Variants in TMBIM1 observed in about 807,000 individuals in gnomAD.
The protein encoded by TMBIM1 is protein lifeguard 3.
A neutral mutation model predicts 45.1 loss-of-function variants in TMBIM1; 34 were observed. That is an observed-to-expected ratio of 0.75 (90% CI 0.57 to 1.00). The LOEUF (loss-of-function observed/expected upper bound fraction) is 1.00, where lower values mean the gene tolerates loss of function less well. Ranked by LOEUF, TMBIM1 falls within the 50% of genes least tolerant of loss-of-function variation. TMBIM1 has a pLI of 0.00. For synonymous variants in TMBIM1, 157 were observed against 153.5 expected (o/e 1.02, Z -0.17); for missense variants, 374 against 402.4 (o/e 0.93, Z 0.60).
chr2:218,291,853 G>A (rs1190205133), intron 1 of TMBIM1, among the ~76,000 whole-genome samples: 1 of 152,190 alleles, frequency 6.6e-6, no homozygotes, highest in Non-Finnish European at 1.5e-5. Flanking sequence ...ACTGGCAGAG[G>A]GCAAAGTCAT....
At chr2:218,291,652 G>A (rs907251099) in intron 1 of TMBIM1, among the ~76,000 whole-genome samples, 16 of 152,168 alleles carry the variant, frequency 1.1e-4, no homozygotes, top group Admixed American at 2.0e-4. Flanking sequence ...CACAAGGCCA[G>A]GGCCTGGCCT....
chr2:218,284,804 T>C (rs1295167512), intron 1 of TMBIM1, among the ~76,000 whole-genome samples: 4 of 152,186 alleles, frequency 2.6e-5, no homozygotes, highest in Non-Finnish European at 5.9e-5. Flanking sequence ...AAAATACACA[T>C]AGAAGGCTGG....
At chr2:218,292,392 T>G (rs1692993005) in intron 1 of TMBIM1, 74 bp downstream of exon 1, 1 of 152,260 alleles carries the variant, frequency 6.6e-6, no homozygotes, top group Admixed American at 6.5e-5. Flanking sequence ...CCCCGGCGCA[T>G]GGCCGCCCCA....
Position 218,276,279 on chromosome 2 carries a change from G to A in TMBIM1, c.736-200C>T, listed in dbSNP as rs140344418. ...CAGCAGAGAAAGCAGAGGCCATCCT[G>A]CAATGGCTGTATAAAACCAATCTCC... On this transcript the variant is annotated intron_variant, in intron 10 of 11. Coordinates refer to ENST00000258412, the MANE Select transcript of TMBIM1 (RefSeq NM_022152.6). 7.2e-3 allele frequency among the ~76,000 whole-genome samples: 1,099 copies of A among 152,316 alleles called. 3 individuals carry two copies. Among genetic ancestry groups the A allele is most frequent in the Middle Eastern group, 0.02 (6 of 294 alleles).
intron 6 of TMBIM1, 33 bp downstream of exon 6, chr2:218,278,482 C>A (rs1267764604): frequency 6.2e-7 from 1 of 1,608,670 alleles, no homozygotes. Context: ...ATCCCTGTCA[C>A]CCCTCTCACT....
intron 1 of TMBIM1, among the ~76,000 whole-genome samples, chr2:218,291,577 A>G (rs1190161862): frequency 1.3e-5 from 2 of 152,096 alleles, no homozygotes; most frequent in Non-Finnish European, 2.9e-5. Flanking sequence ...CCTGGGTACC[A>G]CGTAGAGGCC....
At chr2:218,280,311 G>A (rs995028391) in intron 2 of TMBIM1, 185 bp from the exon 3 acceptor site, 14 of 562,068 alleles carry the variant, frequency 2.5e-5, no homozygotes, top group African/African-American at 3.8e-5. Context: ...GGCCTGTCAC[G>A]AGGGGGCTTA....
chr2:218,288,917 T>C (rs1480394627), intron 1 of TMBIM1, among the ~76,000 whole-genome samples: 1 of 152,174 alleles, frequency 6.6e-6, no homozygotes, highest in Non-Finnish European at 1.5e-5. Context: ...TGCTGTGAGG[T>C]ATTCTTACCC....
rs1691362634 is a variant in TMBIM1, at chr2:218,277,642, G to T, written c.542C>A (p.Thr181Asn). The change falls in exon 8 of 12, where the codon ACC (threonine) becomes AAC (asparagine). Residue 181 changes from threonine (T) to asparagine (N), a missense_variant. Coordinates refer to ENST00000258412, the MANE Select transcript of TMBIM1 (RefSeq NM_022152.6). Reference sequence around the variant, plus strand: ...TTATCCCTGAATGTACCTGGAAATGGTGCCCGTCATGAAGCCCATGGCAAA... The same window carrying T: ...TTATCCCTGAATGTACCTGGAAATGTTGCCCGTCATGAAGCCCATGGCAAA... Reference protein sequence around the residue: ...FTFAMGFMTGTISSMYQTKAV... With the variant: ...FTFAMGFMTGNISSMYQTKAV... 2 of 1,614,166 alleles carry T rather than the reference G, an allele frequency of 1.2e-6. No individual in the cohort carries two copies. Among genetic ancestry groups the T allele is most frequent in the Non-Finnish European group, 1.7e-6 (2 of 1,180,034 alleles).
At chr2:218,277,184 C>T in intron 9 of TMBIM1, 85 bp from the exon 10 acceptor site, 1 of 1,276,466 alleles carries the variant, frequency 7.8e-7, no homozygotes, top group Non-Finnish European at 1.1e-6. Context: ...AGTCCCAGTG[C>T]TGCCTCCTAG....
At chr2:218,292,316 A>G (rs1407955967) in intron 1 of TMBIM1, 150 bp downstream of exon 1, 1 of 152,146 alleles carries the variant, frequency 6.6e-6, no homozygotes, top group Non-Finnish European at 1.5e-5. Flanking sequence ...GGAGATCCCC[A>G]TCTGGAACGG....
chr2:218,280,503 G>C (rs991030057), intron 2 of TMBIM1: 1 of 274,688 alleles, frequency 3.6e-6, no homozygotes, highest in East Asian at 1.0e-4. Context: ...GAGAAAAGGA[G>C]GGCGGCAGAG....
At chr2:218,283,464 C>T (rs1187042303) in intron 1 of TMBIM1, among the ~76,000 whole-genome samples, 2 of 152,170 alleles carry the variant, frequency 1.3e-5, no homozygotes, top group African/African-American at 4.8e-5. Flanking sequence ...GCTAAGGAAG[C>T]CCCTAGAGGG....
chr2:218,290,482 C>A (rs1692862634), intron 1 of TMBIM1, among the ~76,000 whole-genome samples: 1 of 152,188 alleles, frequency 6.6e-6, no homozygotes, highest in Non-Finnish European at 1.5e-5. Context: ...ACTAGACATG[C>A]CCTCTCACTC....
rs74826045 is a variant in TMBIM1 at position 218,275,559 on chromosome 2, G to A, written c.852C>T (p.Asp284=). The part of the protein sequence containing the change: ...GNRKHTISPE[D]YITGALQIYT... ...AAATCTGCAGGGCGCCAGTGATGTA[G>A]TCCTCGGGGCTGATGGTGTGCTTCC... The change falls in exon 12 of 12, where the codon GAC becomes GAT. Residue 284 remains aspartate (D), a synonymous_variant. Transcript: ENST00000258412. The A allele has an allele frequency of 4.2e-4, 683 of 1,613,978 alleles. 9 individuals are homozygous for A. The East Asian group carries it at 0.012, about 27-fold the overall frequency.
intron 2 of TMBIM1, chr2:218,281,129 GT>G (rs751981679): frequency 0.022 from 1,065 of 47,604 alleles, 18 homozygotes; most frequent in Non-Finnish European, 0.029. Flanking sequence ...TTTGTTTTTT[GT>G]TTTTTTTTTG....
At chr2:218,288,202 G>A (rs2106234349) in intron 1 of TMBIM1, among the ~76,000 whole-genome samples, 1 of 151,920 alleles carries the variant, frequency 6.6e-6, no homozygotes, top group South Asian at 2.1e-4. Context: ...GCCAAGGCGG[G>A]CGGATCACGA....
At chr2:218,279,771 C>G (rs1691680936) in intron 3 of TMBIM1, among the ~76,000 whole-genome samples, 1 of 152,310 alleles carries the variant, frequency 6.6e-6, no homozygotes, top group African/African-American at 2.4e-5. Flanking sequence ...GGCGCTGTGG[C>G]AGAACCCACC....
chr2:218,277,318 T>A (rs776672483), intron 9 of TMBIM1, 48 bp downstream of exon 9: 3 of 1,570,216 alleles, frequency 1.9e-6, no homozygotes, highest in South Asian at 1.1e-5. Flanking sequence ...CCGGGCCTGA[T>A]AAGAAAGGGG....
Sources: gnomAD v4.1 joint callset for allele counts (sites outside exome capture counted in the v4.1 genomes callset) on GRCh38, gnomAD v4.1.1 for gene constraint, MANE v1.5 for transcripts, NCBI Gene and HGNC (gene_info 2026-07-23, HGNC 2026-07-21) for gene names.